The following PDE7A variants were observed in gnomAD, a reference collection of about 807,000 sequenced individuals.
PDE7A encodes high affinity 3',5'-cyclic-AMP phosphodiesterase 7A.
Under a neutral mutation model 64.3 loss-of-function variants are expected in PDE7A, and 39 were observed. The ratio of observed to expected loss-of-function variants is 0.61; its 90% CI spans 0.47 to 0.79. The LOEUF (loss-of-function observed/expected upper bound fraction) is 0.79. Ranked by LOEUF, PDE7A falls within the 30% of genes least tolerant of loss-of-function variation. PDE7A has a pLI of 0.00. For missense variants in PDE7A, 470 were observed against 582.8 expected (o/e 0.81, Z 1.99); for synonymous variants, 203 against 206.8 (o/e 0.98, Z 0.16).
chr8:65,736,998 T>A (rs1428838689), intron 6 of PDE7A, among the ~76,000 whole-genome samples: 1 of 149,962 alleles, frequency 6.7e-6, no homozygotes, highest in Admixed American at 6.6e-5. Flanking sequence ...TTCTCCTGCC[T>A]CAGCCTGGAT....
In PDE7A at chr8:65,777,077, C is replaced by CT. The variant is rs56661178; in HGVS notation, c.283+2642dup. Among the ~76,000 whole-genome samples the CT allele has an allele frequency of 6.4e-3, 577 of 90,370 alleles. 5 individuals are homozygous for CT. Among genetic ancestry groups the CT allele is most frequent in the Non-Finnish European group, 8.5e-3 (412 of 48,482 alleles). The allele number at this position is 90,370 out of a possible 152,430, so 59.3% of individuals were successfully genotyped here. ...AACAAATACTCAATTTTATCAAATG[C>CT]TTTTTTTTTTTTTTTTTTTTTTGAG... On this transcript the variant is annotated intron_variant, in intron 3 of 12. Coordinates refer to ENST00000401827, the MANE Select transcript of PDE7A (RefSeq NM_001242318.3).
chr8:65,787,067 G>A (rs1354559216), intron 1 of PDE7A, among the ~76,000 whole-genome samples: 1 of 152,158 alleles, frequency 6.6e-6, no homozygotes. Context: ...TTTAAAGACA[G>A]ACATGTTTTA....
chr8:65,755,713 T>G lies in PDE7A; in HGVS notation c.284-7910A>C, dbSNP rs145543836. Among the ~76,000 whole-genome samples, 276 of 152,372 alleles carry G rather than the reference T, an allele frequency of 1.8e-3. 1 individual carries two copies. Among genetic ancestry groups the G allele is most frequent in the African/African-American group, 6.4e-3 (268 of 41,588 alleles). The stretch of plus-strand genomic sequence containing the variant: ...ACTTGTGTAGTAACCTTTACCAGTG[T>G]TCTTTATTTCCTCTTATGGCTTTAG... On this transcript the variant is annotated intron_variant, in intron 3 of 12. Transcript: ENST00000401827.
At chr8:65,754,037 G>A (rs959937070) in intron 3 of PDE7A, among the ~76,000 whole-genome samples, 5 of 151,974 alleles carry the variant, frequency 3.3e-5, no homozygotes, top group African/African-American at 4.8e-5. Context: ...TAACTCACAC[G>A]ATCACAAGGT....
chr8:65,745,410 T>G lies in PDE7A; in HGVS notation c.496A>C (p.Asn166His). The stretch of plus-strand genomic sequence containing the variant: ...GCAAGTCAAATTCTTCACTTACCAT[T>G]TGTTAGTCTATCAAATAGAAAGATA... ...FDIFLFDRLT[N>H]GNSLVSLTFH... Residue 166 changes from asparagine to histidine, a missense_variant, in exon 5 of 13, where the codon AAT becomes CAT. Asn to His is a moderately conservative substitution (Grantham distance 68, BLOSUM62 1). Transcript: ENST00000401827. The G allele has an allele frequency of 6.5e-7, 1 of 1,539,990 alleles. No individual in the cohort carries two copies. Among genetic ancestry groups the G allele is most frequent in the Non-Finnish European group, 9.0e-7 (1 of 1,112,458 alleles).
At chr8:65,791,935 T>C (rs1809712576) in intron 1 of PDE7A, among the ~76,000 whole-genome samples, 1 of 151,394 alleles carries the variant, frequency 6.6e-6, no homozygotes, top group African/African-American at 2.4e-5. Flanking sequence ...TGATTTATAA[T>C]TAAATTTTAA....
intron 1 of PDE7A, among the ~76,000 whole-genome samples, chr8:65,824,209 G>T (rs1009761305): frequency 6.6e-6 from 1 of 152,050 alleles, no homozygotes; most frequent in African/African-American, 2.4e-5. Flanking sequence ...TTTAATTATT[G>T]TATTTGTTAT....
chr8:65,826,208 T>C (rs552985323), intron 1 of PDE7A, among the ~76,000 whole-genome samples: 2 of 152,224 alleles, frequency 1.3e-5, no homozygotes, highest in Non-Finnish European at 2.9e-5. Flanking sequence ...GAATTGTGTT[T>C]TACTGTGATG....
In PDE7A at chr8:65,716,553, A is replaced by G. The variant is rs77632890; in HGVS notation, c.*2737T>C. Among the ~76,000 whole-genome samples the G allele has an allele frequency of 1.9e-3, 292 of 152,236 alleles. 1 individual carries two copies. The highest frequency in any genetic ancestry group is 6.7e-3 in the African/African-American group (280 of 41,564). ...GGGTCTTCTGTGCACCCAAAGGGAC[A>G]TGGGTGCACGAGGCAACTTGCTTCC... is the stretch of plus-strand genomic sequence containing the variant. On this transcript the variant is annotated 3_prime_UTR_variant, in exon 13 of 13. Transcript: ENST00000401827.
At position 65,789,227 on chromosome 8, in the gene PDE7A, G is replaced by A. The variant is rs182215021; in HGVS notation, c.139-6384C>T. 1.5e-3 allele frequency: 546 copies of A among 374,894 alleles called. 1 individual carries two copies. Among genetic ancestry groups the A allele is most frequent in the Non-Finnish European group, 2.1e-3 (449 of 215,900 alleles). The allele number at this position is 374,894 out of a possible 1,614,324, so 23.2% of individuals were successfully genotyped here. ...GGGGAGGGAAAAGACTTTAGTGAGC[G>A]CTGACCTAACAGTCTAACAAAATGT... On this transcript the variant is annotated intron_variant, in intron 1 of 12. Transcript: ENST00000401827.
At chr8:65,765,488 C>CAAAAAAAAAAAA (rs11342419) in intron 3 of PDE7A, 11 of 44,608 alleles carry the variant, frequency 2.5e-4, no homozygotes, top group Admixed American at 3.8e-4. Context: ...GACTCCGTCT[C>CAAAAAAAAAAAA]AAAAAAAAAA....
chr8:65,781,825 G>T (rs1809426682), intron 2 of PDE7A, among the ~76,000 whole-genome samples: 1 of 152,172 alleles, frequency 6.6e-6, no homozygotes, highest in Non-Finnish European at 1.5e-5. Flanking sequence ...CTGTCTTAAG[G>T]ACAGCGGAAT....
chr8:65,824,787 G>GTTTC (rs1337065433), intron 1 of PDE7A, among the ~76,000 whole-genome samples: 9 of 152,186 alleles, frequency 5.9e-5, no homozygotes, highest in Admixed American at 2.0e-4. Flanking sequence ...ACACTTAATA[G>GTTTC]ACTACAGTAC....
In PDE7A at chr8:65,724,795, G is replaced by A. The variant is rs767623020; in HGVS notation, c.1047C>T (p.His349=). The change falls in exon 10 of 13, where the codon CAC becomes CAT. Residue 349 remains histidine (H), a synonymous_variant. Transcript: ENST00000401827. Reference sequence around the variant, plus strand: ...ATTTTACCTGTAAAACCAAATGTCTGTGTCTGGTGTCTTCTAGGCATAAAT... The same window carrying A: ...ATTTTACCTGTAAAACCAAATGTCTATGTCTGGTGTCTTCTAGGCATAAAT... ...RGDLCLEDTR[H]RHLVLQMALK... 1.2e-6 allele frequency: 2 copies of A among 1,607,510 alleles called. No individual in the cohort carries two copies. Among genetic ancestry groups the A allele is most frequent in the East Asian group, 2.2e-5 (1 of 44,598 alleles).
chr8:65,730,308 G>A (rs1313562131), intron 7 of PDE7A, among the ~76,000 whole-genome samples: 1 of 146,188 alleles, frequency 6.8e-6, no homozygotes, highest in Non-Finnish European at 1.5e-5. Context: ...AGCCTCCCAA[G>A]TAGCTGGTAT....
chr8:65,807,568 A>G (rs1251246378), intron 1 of PDE7A, among the ~76,000 whole-genome samples: 1 of 152,182 alleles, frequency 6.6e-6, no homozygotes, highest in Non-Finnish European at 1.5e-5. Context: ...TTCAATGCTG[A>G]ATACAAGTAA....
chr8:65,785,343 T>C (rs1161027474), intron 1 of PDE7A, among the ~76,000 whole-genome samples: 1 of 152,016 alleles, frequency 6.6e-6, no homozygotes, highest in African/African-American at 2.4e-5. Context: ...ATAAATAAAA[T>C]TAAAATTGAA....
chr8:65,798,207 T>TA (rs552708184), intron 1 of PDE7A, among the ~76,000 whole-genome samples: 1,160 of 15,212 alleles, frequency 0.076, 5 homozygotes, highest in Non-Finnish European at 0.13. Flanking sequence ...TATATATATA[T>TA]TTTTTTTTTT....
intron 3 of PDE7A, chr8:65,765,559 A>G (rs1040922328): frequency 6.6e-6 from 1 of 150,772 alleles, no homozygotes; most frequent in African/African-American, 2.4e-5. Flanking sequence ...CTGGAACATG[A>G]CTGTGTCCCA....
Sources: allele counts gnomAD v4.1 joint callset (sites outside exome capture counted in the v4.1 genomes callset), GRCh38; gene constraint gnomAD v4.1.1; transcripts MANE v1.5; gene names NCBI Gene and HGNC (gene_info 2026-07-23, HGNC 2026-07-21).